FRAS1: variants seen among roughly 807,000 people sequenced by gnomAD.
The protein encoded by FRAS1 is extracellular matrix organizing protein FRAS1.
Under a neutral mutation model 435.2 loss-of-function variants are expected in FRAS1, and 290 were observed. That is an observed-to-expected ratio of 0.67 (90% CI 0.61 to 0.73). The LOEUF (loss-of-function observed/expected upper bound fraction) is 0.73. Among genes scored for constraint, FRAS1 ranks in the 30% least tolerant of loss-of-function variants. The probability of loss-of-function intolerance (pLI) is 0.00; values close to 1 mark genes in which losing one functional copy is unlikely to be tolerated. For synonymous variants in FRAS1, 1,800 were observed against 1,851.0 expected (o/e 0.97, Z 0.71); for missense variants, 4,860 against 5,001.5 (o/e 0.97, Z 0.85).
chr4:78,226,841 A>G (rs1222366093), intron 2 of FRAS1, among the ~76,000 whole-genome samples: 1 of 152,142 alleles, frequency 6.6e-6, no homozygotes, highest in Non-Finnish European at 1.5e-5. Context: ...AATATGTTCC[A>G]TGTGTCACTA....
At chr4:78,241,014 C>T (rs1046000920) in intron 3 of FRAS1, among the ~76,000 whole-genome samples, 3 of 152,042 alleles carry the variant, frequency 2.0e-5, no homozygotes, top group East Asian at 1.9e-4. Context: ...TGTAGGCCAC[C>T]GGTGGCCACG....
chr4:78,437,212 T>C (rs1399755606), intron 38 of FRAS1, among the ~76,000 whole-genome samples: 1 of 152,178 alleles, frequency 6.6e-6, no homozygotes, highest in Non-Finnish European at 1.5e-5. Context: ...TTGGTCAAAT[T>C]TGTCAATGTG....
intron 69 of FRAS1, among the ~76,000 whole-genome samples, chr4:78,524,532 A>T (rs1267727909): frequency 6.6e-6 from 1 of 152,200 alleles, no homozygotes; most frequent in Non-Finnish European, 1.5e-5. Flanking sequence ...GATTAAAGAC[A>T]GGTGCCTAAG....
At chr4:78,272,408 T>A (rs1307594512) in intron 9 of FRAS1, among the ~76,000 whole-genome samples, 1 of 152,220 alleles carries the variant, frequency 6.6e-6, no homozygotes, top group African/African-American at 2.4e-5. Flanking sequence ...CTGAATGGTA[T>A]TGCCTAGGTT....
intron 2 of FRAS1, among the ~76,000 whole-genome samples, chr4:78,150,371 G>A (rs893747664): frequency 2.0e-5 from 3 of 152,070 alleles, no homozygotes; most frequent in East Asian, 1.9e-4. Context: ...TTTTTGGTCC[G>A]CTTTTGGTCT....
At chr4:78,323,700 T>G (rs999708472) in intron 18 of FRAS1, among the ~76,000 whole-genome samples, 8 of 152,102 alleles carry the variant, frequency 5.3e-5, no homozygotes, top group Non-Finnish European at 1.0e-4. Flanking sequence ...TGGCAGTACG[T>G]GGCAGCCCAG....
chr4:78,456,160 T>TTTTTTTTTTG (rs1719194678), intron 47 of FRAS1, among the ~76,000 whole-genome samples: 1 of 148,788 alleles, frequency 6.7e-6, no homozygotes, highest in African/African-American at 2.5e-5. Context: ...TTTTTTTTTT[T>TTTTTTTTTTG]TGAGACGGAG....
At chr4:78,091,126 G>A (rs1288683781) in intron 2 of FRAS1, among the ~76,000 whole-genome samples, 1 of 152,040 alleles carries the variant, frequency 6.6e-6, no homozygotes. Flanking sequence ...TGAAACAGTG[G>A]CATACATTTC....
chr4:78,148,088 T>G (rs1720490918), intron 2 of FRAS1, among the ~76,000 whole-genome samples: 1 of 152,148 alleles, frequency 6.6e-6, no homozygotes, highest in Non-Finnish European at 1.5e-5. Flanking sequence ...TCTTCCCTTC[T>G]ACAAAACATG....
chr4:78,503,549 C>G (rs949669484), intron 61 of FRAS1, among the ~76,000 whole-genome samples: 1 of 152,072 alleles, frequency 6.6e-6, no homozygotes, highest in Admixed American at 6.6e-5. Flanking sequence ...TCTGTGGGAT[C>G]GGTGGTGAGA....
chr4:78,372,877 T>C lies in FRAS1; in HGVS notation c.3010+19T>C. On this transcript the variant is annotated intron_variant, in intron 24 of 73. Transcript: ENST00000512123. The stretch of plus-strand genomic sequence containing the variant: ...TGCAAGAGTAAGTGTGTAGAGGCCC[T>C]GCTCTGTGCTCAGCCATACCTTGGC... 1 of 1,609,054 alleles carries C rather than the reference T, an allele frequency of 6.2e-7. No individual in the cohort carries two copies. Among genetic ancestry groups the C allele is most frequent in the Non-Finnish European group, 8.5e-7 (1 of 1,178,384 alleles).
intron 52 of FRAS1, among the ~76,000 whole-genome samples, 171 bp from the exon 53 acceptor site, chr4:78,473,267 T>G (rs1286079671): frequency 6.6e-6 from 1 of 152,172 alleles, no homozygotes; most frequent in Admixed American, 6.5e-5. Context: ...GGATTTTATT[T>G]TAAAATCTGA....
chr4:78,420,291 A>G (rs1202852184), intron 33 of FRAS1, among the ~76,000 whole-genome samples: 2 of 152,202 alleles, frequency 1.3e-5, no homozygotes, highest in Non-Finnish European at 2.9e-5. Context: ...CACCTTTGTA[A>G]TCTGCTAAGT....
Position 78,319,003 on chromosome 4 carries a change from A to G in FRAS1, c.2137+17A>G. The G allele has an allele frequency of 6.2e-7, 1 of 1,613,286 alleles. No homozygotes were observed. Among genetic ancestry groups the G allele is most frequent in the Non-Finnish European group, 8.5e-7 (1 of 1,179,394 alleles). ...TATGTGAAGGTAAGCATGATTTGAGAAAGTGTTAGGTAGCCTCTGGGCTTA... is the reference window on the plus strand; with the variant it reads ...TATGTGAAGGTAAGCATGATTTGAGGAAGTGTTAGGTAGCCTCTGGGCTTA... On this transcript the variant is annotated intron_variant, in intron 18 of 73. Transcript: ENST00000512123.
chr4:78,513,616 A>G, intron 65 of FRAS1, 64 bp downstream of exon 65: 1 of 1,436,178 alleles, frequency 7.0e-7, no homozygotes, highest in Non-Finnish European at 9.7e-7. Flanking sequence ...CTTTCAGGAT[A>G]TGCCAGAGTG....
At chr4:78,235,227 A>G (rs1724699159) in intron 2 of FRAS1, among the ~76,000 whole-genome samples, 1 of 152,192 alleles carries the variant, frequency 6.6e-6, no homozygotes, top group Non-Finnish European at 1.5e-5. Context: ...AAGTACCTCC[A>G]CAGCGACATT....
chr4:78,416,171 A>G (rs1733546087), intron 32 of FRAS1, among the ~76,000 whole-genome samples: 1 of 152,196 alleles, frequency 6.6e-6, no homozygotes, highest in Non-Finnish European at 1.5e-5. Context: ...ACATTATGAT[A>G]AGTAAAATAA....
intron 3 of FRAS1, among the ~76,000 whole-genome samples, chr4:78,243,346 A>G (rs188473513): frequency 1.3e-5 from 2 of 152,210 alleles, no homozygotes; most frequent in African/African-American, 4.8e-5. Context: ...TGGTTCTCCT[A>G]GGTCCTAAGC....
intron 2 of FRAS1, among the ~76,000 whole-genome samples, chr4:78,115,825 T>C (rs563901433): frequency 5.9e-5 from 9 of 152,206 alleles, no homozygotes; most frequent in African/African-American, 1.7e-4. Context: ...GTGTGTCTAT[T>C]TCCTTCAGTT....
Sources: gnomAD v4.1 joint callset for allele counts (sites outside exome capture counted in the v4.1 genomes callset) on GRCh38, gnomAD v4.1.1 for gene constraint, MANE v1.5 for transcripts, NCBI Gene and HGNC (gene_info 2026-07-23, HGNC 2026-07-21) for gene names.